Variants in MRPS27 observed in about 807,000 individuals in gnomAD.
MRPS27 encodes small ribosomal subunit protein mS27.
MRPS27 carries 43 observed loss-of-function variants against 48.9 expected under a neutral mutation model. The observed-to-expected ratio is 0.88, with a 90% CI of 0.69 to 1.13. The LOEUF (loss-of-function observed/expected upper bound fraction) is 1.13. Ranked by LOEUF, MRPS27 falls within the 50% of genes most tolerant of loss-of-function variation. The pLI is 0.00. For missense variants in MRPS27, 467 were observed against 476.3 expected (o/e 0.98, Z 0.18); for synonymous variants, 188 against 171.9 (o/e 1.09, Z -0.73).
chr5:72,250,949 G>T (rs1037084988), intron 4 of MRPS27, among the ~76,000 whole-genome samples: 1 of 152,078 alleles, frequency 6.6e-6, no homozygotes, highest in Admixed American at 6.6e-5. Context: ...GATTCTAACC[G>T]GTAAAAGTTA....
chr5:72,305,863 T>C (rs1443253153), intron 2 of MRPS27, among the ~76,000 whole-genome samples: 1 of 152,226 alleles, frequency 6.6e-6, no homozygotes, highest in East Asian at 1.9e-4. Flanking sequence ...ACTTTTACCC[T>C]GTACCTCCCC....
chr5:72,297,582 C>T, intron 3 of MRPS27, 50 bp downstream of exon 3: 1 of 1,233,284 alleles, frequency 8.1e-7, no homozygotes, highest in Non-Finnish European at 1.2e-6. Flanking sequence ...AAGGGCCTTT[C>T]TGGCTTTCTT....
chr5:72,223,694 C>G lies in MRPS27; in HGVS notation c.994G>C (p.Glu332Gln). 1 of 1,613,882 alleles carries G rather than the reference C, an allele frequency of 6.2e-7. No individual in the cohort carries two copies. Among genetic ancestry groups the G allele is most frequent in the Admixed American group, 1.7e-5 (1 of 59,994 alleles). ...TEQSKLPQYL[E>Q]RFKALHSKLQ... ...CTGCTATGATTCACCTTAAATCGTT[C>G]CAGGTATTGAGGAAGCTTGGACTGC... Residue 332 changes from glutamate to glutamine, a missense_variant, in exon 10 of 11, where the codon GAA becomes CAA. Physicochemically the swap from Glu to Gln is conservative, Grantham distance 29. Transcript: ENST00000261413.
chr5:72,287,998 G>A (rs922546419), intron 4 of MRPS27, among the ~76,000 whole-genome samples: 9 of 152,208 alleles, frequency 5.9e-5, no homozygotes, highest in African/African-American at 1.9e-4. Context: ...CTCAGGACTG[G>A]AGTCTGCAGA....
At chr5:72,281,415 C>T (rs183489138) in intron 4 of MRPS27, among the ~76,000 whole-genome samples, 1 of 152,278 alleles carries the variant, frequency 6.6e-6, no homozygotes, top group East Asian at 1.9e-4. Context: ...CTATACTATA[C>T]TGTGTCTCAG....
chr5:72,239,522 GAA>G (rs1293415481), intron 4 of MRPS27, among the ~76,000 whole-genome samples: 2 of 152,096 alleles, frequency 1.3e-5, no homozygotes, highest in African/African-American at 4.8e-5. Context: ...CAGAAATAGA[GAA>G]ATATGTCAAA....
At chr5:72,250,469 C>T (rs1421656295) in intron 4 of MRPS27, among the ~76,000 whole-genome samples, 1 of 152,114 alleles carries the variant, frequency 6.6e-6, no homozygotes, top group Non-Finnish European at 1.5e-5. Flanking sequence ...GACAAAATTA[C>T]TGTTATCACA....
chr5:72,224,232 C>T (rs1275719016), intron 9 of MRPS27, among the ~76,000 whole-genome samples: 1 of 151,712 alleles, frequency 6.6e-6, no homozygotes, highest in Non-Finnish European at 1.5e-5. Flanking sequence ...GGTGGTGCAC[C>T]CCTGTGGTCT....
At chr5:72,309,708 C>T (rs1750386344) in intron 2 of MRPS27, among the ~76,000 whole-genome samples, 1 of 152,236 alleles carries the variant, frequency 6.6e-6, no homozygotes, top group Non-Finnish European at 1.5e-5. Flanking sequence ...CCCTACATAC[C>T]TAGGAAAGTG....
intron 4 of MRPS27, among the ~76,000 whole-genome samples, chr5:72,263,784 C>T (rs776025304): frequency 4.6e-5 from 7 of 152,018 alleles, no homozygotes; most frequent in Non-Finnish European, 7.4e-5. Flanking sequence ...GACTTGTACA[C>T]TGCTGGAGCA....
intron 2 of MRPS27, among the ~76,000 whole-genome samples, chr5:72,298,829 G>A (rs913966724): frequency 2.6e-5 from 4 of 151,530 alleles, no homozygotes; most frequent in Non-Finnish European, 5.9e-5. Context: ...TGCACTCGAT[G>A]TTCACCGCAG....
At chr5:72,293,763 C>T (rs1342016195) in intron 4 of MRPS27, among the ~76,000 whole-genome samples, 1 of 152,226 alleles carries the variant, frequency 6.6e-6, no homozygotes, top group African/African-American at 2.4e-5. Flanking sequence ...TCTCCCAACA[C>T]TATGGCACTG....
chr5:72,299,729 T>C (rs184630503), intron 2 of MRPS27, among the ~76,000 whole-genome samples: 22 of 152,350 alleles, frequency 1.4e-4, no homozygotes, highest in Non-Finnish European at 2.5e-4. Flanking sequence ...AGTCTGAAAA[T>C]ATCTGAAATC....
At chr5:72,224,515 T>C (rs1329214486) in intron 9 of MRPS27, among the ~76,000 whole-genome samples, 1 of 152,214 alleles carries the variant, frequency 6.6e-6, no homozygotes, top group African/African-American at 2.4e-5. Flanking sequence ...CATGTCTTTC[T>C]TCCTCAATCA....
At chr5:72,266,151 A>T (rs1418324367) in intron 4 of MRPS27, among the ~76,000 whole-genome samples, 1 of 152,198 alleles carries the variant, frequency 6.6e-6, no homozygotes, top group African/African-American at 2.4e-5. Flanking sequence ...TTAGAAGTTA[A>T]TCATGAAGAA....
chr5:72,249,100 C>T (rs906824333), intron 4 of MRPS27, among the ~76,000 whole-genome samples: 3 of 152,220 alleles, frequency 2.0e-5, no homozygotes, highest in African/African-American at 7.2e-5. Flanking sequence ...TGAACAGATA[C>T]ACTTTTTCCT....
At chr5:72,302,567 A>G (rs1177609920) in intron 2 of MRPS27, among the ~76,000 whole-genome samples, 1 of 152,234 alleles carries the variant, frequency 6.6e-6, no homozygotes, top group Admixed American at 6.5e-5. Context: ...CCTACTATAA[A>G]AATAAAACAA....
chr5:72,305,702 AG>A (rs1561363155), intron 2 of MRPS27, among the ~76,000 whole-genome samples: 1 of 152,226 alleles, frequency 6.6e-6, no homozygotes, highest in Non-Finnish European at 1.5e-5. Context: ...GCTCCTTGTC[AG>A]AAAGACTCAA....
intron 4 of MRPS27, among the ~76,000 whole-genome samples, chr5:72,245,059 C>T (rs1748475174): frequency 6.6e-6 from 1 of 152,218 alleles, no homozygotes. Context: ...ACAGTCATCA[C>T]TGAGGTGCCC....
Sources: gnomAD v4.1 joint callset for allele counts (sites outside exome capture counted in the v4.1 genomes callset) on GRCh38, gnomAD v4.1.1 for gene constraint, MANE v1.5 for transcripts, NCBI Gene and HGNC (gene_info 2026-07-23, HGNC 2026-07-21) for gene names.